The following CAMK1D variants were observed in gnomAD, a reference collection of about 807,000 sequenced individuals.
The protein encoded by CAMK1D is calcium/calmodulin-dependent protein kinase type 1D.
CAMK1D carries 9 observed loss-of-function variants against 47.7 expected under a neutral mutation model. That is an observed-to-expected ratio of 0.19 (90% confidence interval 0.11 to 0.33). The LOEUF (loss-of-function observed/expected upper bound fraction) is 0.33. Among genes scored for constraint, CAMK1D ranks in the 10% least tolerant of loss-of-function variants. The pLI, the probability that CAMK1D is intolerant of heterozygous loss-of-function variation, is 1.00. For synonymous variants in CAMK1D, 184 were observed against 184.9 expected (o/e 0.99, Z 0.04); for missense variants, 291 against 488.7 (o/e 0.60, Z 3.81).
chr10:12,554,898 G>A (rs779154536), intron 2 of CAMK1D, among the ~76,000 whole-genome samples: 8 of 152,070 alleles, frequency 5.3e-5, no homozygotes, highest in Non-Finnish European at 1.0e-4. Context: ...TTTCATAAGT[G>A]TGGTGTCCAC....
intron 3 of CAMK1D, among the ~76,000 whole-genome samples, chr10:12,683,942 G>A (rs930374869): frequency 6.6e-6 from 1 of 152,056 alleles, no homozygotes; most frequent in African/African-American, 2.4e-5. Context: ...ACTCATCATA[G>A]ATGCATGAGT....
rs868716379 is a variant in CAMK1D, at chr10:12,589,147, A to C, written c.224+35791A>C. Among the ~76,000 whole-genome samples, 27 of 152,130 alleles carry C rather than the reference A, an allele frequency of 1.8e-4. 1 individual carries two copies. The Middle Eastern group carries it at 0.017, about 96-fold the overall frequency. On this transcript the variant is annotated intron_variant, in intron 2 of 10. Transcript: ENST00000619168. Reference sequence around the variant, plus strand: ...GGCTCAATTCATCCAAGTAACTGGGACCACAGGTGCACAGCACAATGCCCG... The same window carrying C: ...GGCTCAATTCATCCAAGTAACTGGGCCCACAGGTGCACAGCACAATGCCCG...
rs984089823 is a variant in CAMK1D at position 12,548,933 on chromosome 10, G to A, written c.93-4292G>A. Reference sequence around the variant, plus strand: ...TGCATAGGCGCGATCTCAGCTCACTGCAACCTCCGCCTCCTGGGCTCAAAC... The same window carrying A: ...TGCATAGGCGCGATCTCAGCTCACTACAACCTCCGCCTCCTGGGCTCAAAC... On this transcript the variant is annotated intron_variant, in intron 1 of 10. Coordinates refer to ENST00000619168, the MANE Select transcript of CAMK1D (RefSeq NM_153498.4). 2.6e-5 allele frequency among the ~76,000 whole-genome samples: 4 copies of A among 151,400 alleles called. No individual in the cohort carries two copies. The East Asian group carries it at 5.8e-4, about 22-fold the overall frequency.
At chr10:12,380,072 G>A (rs1400411766) in intron 1 of CAMK1D, among the ~76,000 whole-genome samples, 2 of 152,058 alleles carry the variant, frequency 1.3e-5, no homozygotes, top group East Asian at 1.9e-4. Flanking sequence ...AAAATTAGCC[G>A]GGCGTGGTGG....
In CAMK1D at chr10:12,710,915, G is replaced by A. The variant is rs577133368; in HGVS notation, c.299+44105G>A. 2.6e-5 allele frequency among the ~76,000 whole-genome samples: 4 copies of A among 152,214 alleles called. No individual in the cohort carries two copies. In the East Asian group the frequency reaches 5.8e-4, roughly 22 times the overall value. On this transcript the variant is annotated intron_variant, in intron 3 of 10. Transcript: ENST00000619168. ...CTTTGACATTTGATCAATCACTATTGGAGTTTTCATCAACTTGTTCAGACT... is the reference window on the plus strand; with the variant it reads ...CTTTGACATTTGATCAATCACTATTAGAGTTTTCATCAACTTGTTCAGACT...
intron 3 of CAMK1D, among the ~76,000 whole-genome samples, chr10:12,727,011 A>G (rs575325833): frequency 6.6e-6 from 1 of 152,304 alleles, no homozygotes; most frequent in Non-Finnish European, 1.5e-5. Flanking sequence ...CCGTGGCCCC[A>G]CACCCAGGCT....
At chr10:12,638,971 C>T (rs1839590897) in intron 2 of CAMK1D, among the ~76,000 whole-genome samples, 1 of 152,174 alleles carries the variant, frequency 6.6e-6, no homozygotes, top group South Asian at 2.1e-4. Context: ...TTCCTTTCTC[C>T]TCTTGGAATG....
At position 12,639,801 on chromosome 10, in the gene CAMK1D, A is replaced by AATTT. The variant is rs1292781251; in HGVS notation, c.225-26935_225-26934insATTT. On this transcript the variant is annotated intron_variant, in intron 2 of 10. Transcript: ENST00000619168. ...TTCTCATGATAATGCTTCTGGAAAC[A>AATTT]GATTGTTATTTAACAATCAAATGAC... is the stretch of plus-strand genomic sequence containing the variant. Among the ~76,000 whole-genome samples the AATTT allele has an allele frequency of 2.0e-5, 3 of 152,176 alleles. No homozygotes were observed. In the East Asian group the frequency reaches 5.8e-4, roughly 29 times the overall value.
chr10:12,784,267 G>A (rs947139264), intron 5 of CAMK1D, among the ~76,000 whole-genome samples: 1 of 140,726 alleles, frequency 7.1e-6, no homozygotes, highest in Non-Finnish European at 1.5e-5. Flanking sequence ...TGGCAGTCTT[G>A]GCTCACTGCA....
chr10:12,396,268 G>GGGC (rs1838951427), intron 1 of CAMK1D, among the ~76,000 whole-genome samples: 1 of 152,208 alleles, frequency 6.6e-6, no homozygotes, highest in Non-Finnish European at 1.5e-5. Flanking sequence ...CTCTCCTGCT[G>GGGC]GGCGCTGCTG....
intron 1 of CAMK1D, among the ~76,000 whole-genome samples, chr10:12,547,640 C>T (rs1176539160): frequency 1.5e-4 from 2 of 13,512 alleles, no homozygotes; most frequent in East Asian, 8.8e-4. Context: ...CACGAGGACA[C>T]CCCCCCCCCA....
intron 3 of CAMK1D, among the ~76,000 whole-genome samples, chr10:12,717,421 A>T (rs1683160722): frequency 2.0e-5 from 3 of 152,188 alleles, no homozygotes; most frequent in Non-Finnish European, 4.4e-5. Context: ...ACATTGGAAG[A>T]AAAATAGGCG....
intron 5 of CAMK1D, among the ~76,000 whole-genome samples, chr10:12,770,008 C>A (rs1836966964): frequency 6.6e-6 from 1 of 152,212 alleles, no homozygotes; most frequent in Admixed American, 6.5e-5. Flanking sequence ...CCCCTGAAAA[C>A]TTTTGCACAG....
chr10:12,784,539 C>T (rs1837639075), intron 5 of CAMK1D, among the ~76,000 whole-genome samples: 1 of 152,192 alleles, frequency 6.6e-6, no homozygotes, highest in African/African-American at 2.4e-5. Flanking sequence ...GTGACAAGCA[C>T]ATTCACACAC....
chr10:12,819,584 A>G (rs563012460), intron 8 of CAMK1D, among the ~76,000 whole-genome samples: 2 of 152,368 alleles, frequency 1.3e-5, no homozygotes, highest in Non-Finnish European at 2.9e-5. Flanking sequence ...TACGTGAGAT[A>G]ATACATGTGA....
rs138603546 is a variant in CAMK1D at position 12,560,035 on chromosome 10, C to T, written c.224+6679C>T. 7.9e-5 allele frequency among the ~76,000 whole-genome samples: 12 copies of T among 152,248 alleles called. 1 individual carries two copies. In the South Asian group the frequency reaches 1.9e-3, roughly 24 times the overall value. ...TAAGGCAGACACCTTCCTCTCAATG[C>T]GGACCAGAGGGAGGGCAGCTTCTGC... is the stretch of plus-strand genomic sequence containing the variant. On this transcript the variant is annotated intron_variant, in intron 2 of 10. Coordinates refer to ENST00000619168, the MANE Select transcript of CAMK1D (RefSeq NM_153498.4).
At chr10:12,424,595 A>G (rs1840162669) in intron 1 of CAMK1D, among the ~76,000 whole-genome samples, 2 of 152,252 alleles carry the variant, frequency 1.3e-5, no homozygotes, top group South Asian at 4.1e-4. Context: ...TATTTTCCAC[A>G]GTGGGTCCAA....
chr10:12,493,097 G>T (rs1834435975), intron 1 of CAMK1D, among the ~76,000 whole-genome samples: 1 of 152,192 alleles, frequency 6.6e-6, no homozygotes, highest in Non-Finnish European at 1.5e-5. Flanking sequence ...CATGTTTACT[G>T]AGCCAAGTAG....
chr10:12,787,607 G>A (rs1169973053), intron 5 of CAMK1D, among the ~76,000 whole-genome samples: 1 of 152,240 alleles, frequency 6.6e-6, no homozygotes, highest in Non-Finnish European at 1.5e-5. Flanking sequence ...GTAAGCAGCT[G>A]TTGGAGGCAC....
Sources: allele counts gnomAD v4.1 joint callset (sites outside exome capture counted in the v4.1 genomes callset), GRCh38; gene constraint gnomAD v4.1.1; transcripts MANE v1.5; gene names NCBI Gene and HGNC (gene_info 2026-07-23, HGNC 2026-07-21).